Variants in EXT1 observed in about 807,000 individuals in gnomAD.
The protein encoded by EXT1 is exostosin glycosyltransferase 1.
A neutral mutation model predicts 82.5 loss-of-function variants in EXT1; 20 were observed. The ratio of observed to expected loss-of-function variants is 0.24; its 90% CI spans 0.17 to 0.35. The LOEUF is 0.35. Among genes scored for constraint, EXT1 ranks in the 10% least tolerant of loss-of-function variants. The pLI, the probability that EXT1 is intolerant of heterozygous loss-of-function variation, is 1.00. For missense variants in EXT1, 757 were observed against 936.5 expected, an observed-to-expected ratio of 0.81 and a Z score of 2.50; for synonymous variants, 348 against 350.8, an observed-to-expected ratio of 0.99 and a Z score of 0.09.
At chr8:118,104,580 C>T (rs1212774736) in intron 1 of EXT1, among the ~76,000 whole-genome samples, 2 of 152,188 alleles carry the variant, frequency 1.3e-5, no homozygotes, top group East Asian at 1.9e-4. Context: ...GTTTCAAATA[C>T]ACAATTTAGG....
intron 1 of EXT1, among the ~76,000 whole-genome samples, chr8:117,852,749 A>G (rs767886330): frequency 2.6e-4 from 40 of 152,112 alleles, no homozygotes; most frequent in Non-Finnish European, 5.6e-4. Flanking sequence ...CCATCCATCC[A>G]TTTACCAATA....
intron 1 of EXT1, among the ~76,000 whole-genome samples, chr8:118,079,317 A>G (rs1817267192): frequency 1.3e-5 from 2 of 152,346 alleles, no homozygotes; most frequent in South Asian, 2.1e-4. Flanking sequence ...CACAAGTTGG[A>G]GGCTAATTTC....
chr8:117,982,054 T>C (rs893807135), intron 1 of EXT1, among the ~76,000 whole-genome samples: 6 of 152,176 alleles, frequency 3.9e-5, no homozygotes, highest in South Asian at 2.1e-4. Flanking sequence ...TAAATTCCCA[T>C]AAACACAGCA....
At chr8:117,981,252 C>T (rs569922792) in intron 1 of EXT1, among the ~76,000 whole-genome samples, 2 of 152,250 alleles carry the variant, frequency 1.3e-5, no homozygotes, top group African/African-American at 4.8e-5. Context: ...TCAATGCCAA[C>T]TCTACTAATT....
chr8:118,058,543 G>A (rs1245785341), intron 1 of EXT1, among the ~76,000 whole-genome samples: 1 of 152,170 alleles, frequency 6.6e-6, no homozygotes, highest in Admixed American at 6.5e-5. Flanking sequence ...AGACATCTAA[G>A]ACTGTTTGGA....
intron 1 of EXT1, among the ~76,000 whole-genome samples, chr8:117,993,516 C>T (rs1815476706): frequency 6.6e-6 from 1 of 152,208 alleles, no homozygotes; most frequent in African/African-American, 2.4e-5. Context: ...TGTTAATTGC[C>T]TATAATATGC....
At chr8:118,062,556 C>T (rs372498547) in intron 1 of EXT1, among the ~76,000 whole-genome samples, 4 of 152,244 alleles carry the variant, frequency 2.6e-5, no homozygotes, top group East Asian at 1.9e-4. Context: ...CCGTCTTTTT[C>T]ACAAGCCATT....
At chr8:117,815,724 A>G (rs1811799066) in intron 7 of EXT1, among the ~76,000 whole-genome samples, 1 of 152,086 alleles carries the variant, frequency 6.6e-6, no homozygotes, top group African/African-American at 2.4e-5. Flanking sequence ...TGAGTTTGGG[A>G]GTTCGAGACC....
At chr8:118,077,340 TC>T (rs1424287513) in intron 1 of EXT1, among the ~76,000 whole-genome samples, 2 of 152,084 alleles carry the variant, frequency 1.3e-5, no homozygotes, top group African/African-American at 4.8e-5. Context: ...CTGATCAAAT[TC>T]CCACCAAAGG....
At chr8:118,083,180 A>G (rs1817360825) in intron 1 of EXT1, among the ~76,000 whole-genome samples, 1 of 152,152 alleles carries the variant, frequency 6.6e-6, no homozygotes, top group South Asian at 2.1e-4. Context: ...TTTTAGCTAA[A>G]CTCTGGTCTT....
chr8:117,970,132 G>T (rs943803062), intron 1 of EXT1, among the ~76,000 whole-genome samples: 3 of 152,154 alleles, frequency 2.0e-5, no homozygotes, highest in Non-Finnish European at 4.4e-5. Context: ...AGACGTATTT[G>T]TTTAGCTAAG....
intron 1 of EXT1, among the ~76,000 whole-genome samples, chr8:118,035,014 A>T (rs1441385852): frequency 6.6e-6 from 1 of 152,230 alleles, no homozygotes; most frequent in Admixed American, 6.5e-5. Flanking sequence ...GCACTGGAAA[A>T]TGTGGTTTCT....
intron 1 of EXT1, among the ~76,000 whole-genome samples, chr8:118,077,881 T>A (rs1263910407): frequency 6.6e-6 from 1 of 152,224 alleles, no homozygotes; most frequent in Non-Finnish European, 1.5e-5. Flanking sequence ...ATTTCGATTG[T>A]GTTCTTTTTT....
chr8:117,805,651 G>T (rs1823225873), intron 9 of EXT1, among the ~76,000 whole-genome samples: 1 of 152,172 alleles, frequency 6.6e-6, no homozygotes, highest in Admixed American at 6.5e-5. Context: ...GAATCAGTCA[G>T]CCTAAATGTT....
chr8:118,091,856 T>G lies in EXT1; in HGVS notation c.962+18229A>C, dbSNP rs540461499. 9.8e-5 allele frequency among the ~76,000 whole-genome samples: 15 copies of G among 152,310 alleles called. No individual in the cohort carries two copies. The South Asian group carries it at 3.1e-3, about 32-fold the overall frequency. On this transcript the variant is annotated intron_variant, in intron 1 of 10. Transcript: ENST00000378204. ...CATTCTCTGTGTTATTACAAAAAAA[T>G]TAAGTAAATCTAACAATTCAGATCC...
At chr8:117,946,793 T>C (rs1814399082) in intron 1 of EXT1, among the ~76,000 whole-genome samples, 1 of 149,624 alleles carries the variant, frequency 6.7e-6, no homozygotes, top group South Asian at 2.1e-4. Context: ...CCTGGCACCG[T>C]TCGGAGGGAT....
At chr8:117,897,714 C>A (rs1479420424) in intron 1 of EXT1, among the ~76,000 whole-genome samples, 1 of 151,126 alleles carries the variant, frequency 6.6e-6, no homozygotes, top group Non-Finnish European at 1.5e-5. Context: ...CCCGCCTCAG[C>A]CTTCCGAGTA....
intron 1 of EXT1, among the ~76,000 whole-genome samples, chr8:117,986,212 C>T (rs1815317013): frequency 9.1e-6 from 1 of 110,340 alleles, no homozygotes. Context: ...TTTTTTGAGA[C>T]GAAGTCTCGC....
At chr8:117,837,883 G>T (rs71530885) in intron 1 of EXT1, among the ~76,000 whole-genome samples, 3 of 151,900 alleles carry the variant, frequency 2.0e-5, no homozygotes, top group East Asian at 1.9e-4. Flanking sequence ...GAACTAGGAG[G>T]GGGTACAGGA....
Sources: gnomAD v4.1 joint callset for allele counts (sites outside exome capture counted in the v4.1 genomes callset) on GRCh38, gnomAD v4.1.1 for gene constraint, MANE v1.5 for transcripts, NCBI Gene and HGNC (gene_info 2026-07-23, HGNC 2026-07-21) for gene names.